Variants in ATRNL1 observed in about 807,000 individuals in gnomAD.
The protein encoded by ATRNL1 is attractin-like protein 1.
A neutral mutation model predicts 182.7 loss-of-function variants in ATRNL1; 95 were observed. The observed-to-expected ratio is 0.52, with a 90% CI of 0.44 to 0.62. ATRNL1 has a LOEUF of 0.62. ATRNL1 is among the 20% of genes least tolerant of loss of function. ATRNL1 has a pLI of 0.00. For synonymous variants in ATRNL1, 576 were observed against 568.3 expected (o/e 1.01, Z -0.19); for missense variants, 1,471 against 1,679.5 (o/e 0.88, Z 2.17).
intron 27 of ATRNL1, among the ~76,000 whole-genome samples, chr10:115,786,960 A>G (rs1294854268): frequency 2.0e-5 from 3 of 152,180 alleles, no homozygotes; most frequent in Admixed American, 6.5e-5. Flanking sequence ...TTTTTAAGTT[A>G]TTGGATTAAT....
intron 25 of ATRNL1, among the ~76,000 whole-genome samples, chr10:115,544,966 A>G (rs1309154185): frequency 1.3e-5 from 2 of 152,080 alleles, no homozygotes; most frequent in African/African-American, 4.8e-5. Flanking sequence ...TTTTGTTTGT[A>G]TGTATATTTT....
intron 28 of ATRNL1, among the ~76,000 whole-genome samples, chr10:115,904,909 A>C (rs1952455167): frequency 6.6e-6 from 1 of 152,198 alleles, no homozygotes; most frequent in Non-Finnish European, 1.5e-5. Context: ...GATATTGCTC[A>C]GTGCCAGGTA....
At chr10:115,723,491 T>C (rs1160022792) in intron 26 of ATRNL1, among the ~76,000 whole-genome samples, 1 of 152,128 alleles carries the variant, frequency 6.6e-6, no homozygotes, top group African/African-American at 2.4e-5. Flanking sequence ...AATCACTGAC[T>C]CTACCTGGTT....
chr10:115,481,102 T>TA (rs1848743307), intron 24 of ATRNL1, among the ~76,000 whole-genome samples: 1 of 150,770 alleles, frequency 6.6e-6, no homozygotes, highest in Non-Finnish European at 1.5e-5. Flanking sequence ...ATATTCATAA[T>TA]AATCCCATAG....
Position 115,436,006 on chromosome 10 carries a change from G to A in ATRNL1, c.3322+9704G>A, listed in dbSNP as rs142948015. On this transcript the variant is annotated intron_variant, in intron 21 of 28. Coordinates refer to ENST00000355044, the MANE Select transcript of ATRNL1 (RefSeq NM_207303.4). ...ACATTTATTTTAGCTGTATGAGCAA[G>A]CATTTTTATTGTTGGGGTACTTGAG... is the stretch of plus-strand genomic sequence containing the variant. Among the ~76,000 whole-genome samples, 19 of 152,166 alleles carry A rather than the reference G, an allele frequency of 1.2e-4. No homozygotes were observed. The East Asian group carries it at 3.3e-3, about 26-fold the overall frequency.
chr10:115,330,307 C>A (rs1855143113), intron 18 of ATRNL1, among the ~76,000 whole-genome samples: 1 of 151,990 alleles, frequency 6.6e-6, no homozygotes. Flanking sequence ...ATAATTGTTT[C>A]TTGACCCACG....
chr10:115,648,474 C>A (rs548497054), intron 26 of ATRNL1, among the ~76,000 whole-genome samples: 1 of 152,022 alleles, frequency 6.6e-6, no homozygotes, highest in African/African-American at 2.4e-5. Flanking sequence ...CACATGAAAC[C>A]AAAAAAGAGC....
chr10:115,584,672 G>C (rs11527963), intron 26 of ATRNL1, among the ~76,000 whole-genome samples: 78,749 of 150,294 alleles, frequency 0.52, 21,279 homozygotes, highest in East Asian at 0.84. Context: ...AGCTGTCTAT[G>C]AATTTTGTTG....
At chr10:115,350,346 GAAA>G (rs71010016) in intron 19 of ATRNL1, among the ~76,000 whole-genome samples, 14 of 66,402 alleles carry the variant, frequency 2.1e-4, no homozygotes, top group African/African-American at 8.4e-4. Flanking sequence ...AAAAAAAAAA[GAAA>G]AAAAAAAAAA....
Position 115,738,154 on chromosome 10 carries a change from T to TTTTTTTTTTTTC in ATRNL1, c.3903+10801_3903+10802insTTTTTTTTTCTT, listed in dbSNP as rs71010046. On this transcript the variant is annotated intron_variant, in intron 27 of 28. Transcript: ENST00000355044. ...TTTTTTTTTTTTTTTTTTTTTTTTT[T>TTTTTTTTTTTTC]TTGAGATGGAGTCCTGCTCTGTCGC... 8.7e-3 allele frequency among the ~76,000 whole-genome samples: 554 copies of TTTTTTTTTTTTC among 63,872 alleles called. 84 individuals carry two copies. The highest frequency in any genetic ancestry group is 0.02 in the African/African-American group (435 of 22,036). 41.9% of individuals were successfully genotyped at this position (63,872 alleles called of 152,430 possible).
intron 24 of ATRNL1, among the ~76,000 whole-genome samples, chr10:115,513,153 C>A (rs1421746362): frequency 6.6e-6 from 1 of 151,896 alleles, no homozygotes; most frequent in Non-Finnish European, 1.5e-5. Flanking sequence ...ATTGGGCACC[C>A]CTGCAGTTTC....
At chr10:115,373,915 G>A (rs550559282) in intron 19 of ATRNL1, among the ~76,000 whole-genome samples, 2 of 151,720 alleles carry the variant, frequency 1.3e-5, no homozygotes, top group African/African-American at 2.4e-5. Context: ...CTATTTTAAT[G>A]TTTTTGGAAA....
chr10:115,442,113 A>G (rs1339554209), intron 21 of ATRNL1, among the ~76,000 whole-genome samples: 3 of 151,972 alleles, frequency 2.0e-5, no homozygotes, highest in Non-Finnish European at 4.4e-5. Flanking sequence ...AAATCAGACC[A>G]TCTCACTACC....
chr10:115,340,533 T>G lies in ATRNL1; in HGVS notation c.3175+6114T>G, dbSNP rs183204178. On this transcript the variant is annotated intron_variant, in intron 19 of 28. Transcript: ENST00000355044. ...TCTGGTTTTAATATCAGGGTAATAT[T>G]GGCCTTGTAGAATGAGTTTGGAAGT... 3.9e-3 allele frequency among the ~76,000 whole-genome samples: 581 copies of G among 149,372 alleles called. 5 individuals carry two copies. Among genetic ancestry groups the G allele is most frequent in the African/African-American group, 0.014 (549 of 40,506 alleles).
At chr10:115,621,574 T>C (rs2769424) in intron 26 of ATRNL1, among the ~76,000 whole-genome samples, 76,343 of 151,702 alleles carry the variant, frequency 0.5, 20,154 homozygotes, top group East Asian at 0.84. Flanking sequence ...AGTGCTGGGG[T>C]TAAATGTGTG....
rs1308863327 is a variant in ATRNL1 at position 115,201,711 on chromosome 10, C to T, written c.1349-13986C>T. Among the ~76,000 whole-genome samples, 23 of 152,056 alleles carry T rather than the reference C, an allele frequency of 1.5e-4. No homozygotes were observed. In the Middle Eastern group the frequency reaches 0.01, roughly 67 times the overall value. On this transcript the variant is annotated intron_variant, in intron 8 of 28. Coordinates refer to ENST00000355044, the MANE Select transcript of ATRNL1 (RefSeq NM_207303.4). ...TTGGCTTAGGATTGACTTGGTGATG[C>T]GGGCTCTTTTTTGGTTCCATATGAA...
intron 24 of ATRNL1, among the ~76,000 whole-genome samples, chr10:115,480,726 A>G (rs1195006087): frequency 6.6e-6 from 1 of 151,134 alleles, no homozygotes; most frequent in African/African-American, 2.4e-5. Context: ...CATTTACACT[A>G]CATTGACAGA....
chr10:115,872,896 G>A (rs924913904), intron 28 of ATRNL1, among the ~76,000 whole-genome samples: 10 of 152,192 alleles, frequency 6.6e-5, no homozygotes, highest in African/African-American at 2.2e-4. Flanking sequence ...AGAATTCTGG[G>A]AAACCCAGGT....
At chr10:115,130,692 C>A (rs1441630794) in intron 5 of ATRNL1, among the ~76,000 whole-genome samples, 1 of 152,000 alleles carries the variant, frequency 6.6e-6, no homozygotes, top group Admixed American at 6.6e-5. Context: ...TTCTTCCCCC[C>A]AAAAGTGCCT....
Sources: gnomAD v4.1 joint callset for allele counts (sites outside exome capture counted in the v4.1 genomes callset) on GRCh38, gnomAD v4.1.1 for gene constraint, MANE v1.5 for transcripts, NCBI Gene and HGNC (gene_info 2026-07-23, HGNC 2026-07-21) for gene names.